C11orf65: variants seen among roughly 807,000 people sequenced by gnomAD.
C11orf65 encodes the protein chromosome 11 open reading frame 65, also known as protein MFI.
Under a neutral mutation model 35.3 loss-of-function variants are expected in C11orf65, and 38 were observed. That is an observed-to-expected ratio of 1.08 (90% CI 0.83 to 1.41). The LOEUF is 1.41. C11orf65 is among the 40% of genes most tolerant of loss of function. The pLI is 0.00. For synonymous variants in C11orf65, 105 were observed against 114.4 expected, an observed-to-expected ratio of 0.92 and a Z score of 0.53; for missense variants, 370 against 367.1, an observed-to-expected ratio of 1.01 and a Z score of -0.06.
rs374870054 is a variant in C11orf65, at chr11:108,375,910, G to A, written c.226+17298C>T. On this transcript the variant is annotated intron_variant, in intron 2 of 3. Transcript: ENST00000524755. ...AAGAAGGCCATTACATAATGGTAAA[G>A]GGATCAATTCAACAAGAAGAGCTAA... 2.5e-3 allele frequency among the ~76,000 whole-genome samples: 377 copies of A among 152,278 alleles called. 9 individuals are homozygous for A. In the East Asian group the frequency reaches 0.07, roughly 28 times the overall value.
intron 3 of C11orf65, chr11:108,334,900 T>C: frequency 1.3e-6 from 2 of 1,518,912 alleles, no homozygotes; most frequent in Non-Finnish European, 1.8e-6. Flanking sequence ...TTGCCATTTA[T>C]AATGTATTTT....
intron 1 of C11orf65, among the ~76,000 whole-genome samples, chr11:108,464,269 T>C (rs927455921): frequency 6.6e-6 from 1 of 152,130 alleles, no homozygotes; most frequent in African/African-American, 2.4e-5. Flanking sequence ...GGAATTGCTA[T>C]GACAAAAGGT....
In C11orf65 at chr11:108,320,078, T is replaced by TTA. The variant is rs756886791; in HGVS notation, c.641-11009_641-11008dup. 10 of 1,506,110 alleles carry TTA rather than the reference T, an allele frequency of 6.6e-6. No individual in the cohort carries two copies. Among genetic ancestry groups the TTA allele is most frequent in the African/African-American group, 2.8e-5 (2 of 72,474 alleles). The allele number at this position is 1,506,110 out of a possible 1,614,324, so 93.3% of individuals were successfully genotyped here. On this transcript the variant is annotated intron_variant, in intron 6 of 6. Coordinates refer to the C11orf65 transcript ENST00000525729. ...TGCCAGGTATTATGAAAAGACAAAG[T>TTA]TACTGTATTTTAACATTTAATGTCA...
intron 3 of C11orf65, among the ~76,000 whole-genome samples, chr11:108,426,306 G>T (rs1292527115): frequency 6.6e-6 from 1 of 152,066 alleles, no homozygotes; most frequent in Non-Finnish European, 1.5e-5. Context: ...AAAGTCTCAG[G>T]ACACACAATC....
intron 2 of C11orf65, among the ~76,000 whole-genome samples, chr11:108,372,994 C>T (rs757291714): frequency 6.6e-6 from 1 of 151,964 alleles, no homozygotes; most frequent in Non-Finnish European, 1.5e-5. Context: ...GCACAAGAAT[C>T]ACTTGAACCC....
intron 3 of C11orf65, among the ~76,000 whole-genome samples, chr11:108,425,794 C>T (rs1456019336): frequency 6.6e-6 from 1 of 152,160 alleles, no homozygotes; most frequent in Non-Finnish European, 1.5e-5. Context: ...AAAAGCGTAT[C>T]CACCACGATC....
intron 2 of C11orf65, among the ~76,000 whole-genome samples, chr11:108,442,141 G>A (rs1218595651): frequency 6.6e-6 from 1 of 152,128 alleles, no homozygotes; most frequent in Non-Finnish European, 1.5e-5. Flanking sequence ...ATCACTTGAT[G>A]GAGCTGAAAA....
In C11orf65 at chr11:108,406,757, T is replaced by C. The variant is rs893954396; in HGVS notation, c.429+6A>G. ...AGGTTAAAAATTAACATTTCTCTTT[T>C]CTTACTGTATCAGAAACTGGCCTCC... is the stretch of plus-strand genomic sequence containing the variant. On this transcript the variant is annotated splice_donor_region_variant and intron_variant, in intron 5 of 8. Coordinates refer to ENST00000393084, the MANE Select transcript of C11orf65 (RefSeq NM_152587.5). 5.1e-6 allele frequency: 8 copies of C among 1,560,782 alleles called. No homozygotes were observed. In the African/African-American group the frequency reaches 9.4e-5, roughly 18 times the overall value.
chr11:108,321,500 A>T (rs2085217081), intron 6 of C11orf65: 2 of 1,596,534 alleles, frequency 1.3e-6, no homozygotes, highest in Middle Eastern at 3.4e-4. Flanking sequence ...TAAAAACTAT[A>T]GGCCGGGCAC....
At chr11:108,310,400 C>A (rs2136024270) in intron 6 of C11orf65, 2 of 1,252,850 alleles carry the variant, frequency 1.6e-6, no homozygotes, top group East Asian at 2.4e-5. Context: ...TATTTTGCCT[C>A]CTGTTCCCCA....
rs375077059 is a variant in C11orf65, at chr11:108,391,341, TATA to T, written c.731+1864_731+1866del. Reference sequence around the variant, plus strand: ...AAGTATAGTATCCAGTGGCTTTTAGTATAATATTAGCAGAGTTGTGGCTCCACC... The same window carrying T: ...AAGTATAGTATCCAGTGGCTTTTAGTATATTAGCAGAGTTGTGGCTCCACC... On this transcript the variant is annotated intron_variant, in intron 7 of 8. Transcript: ENST00000393084. Among the ~76,000 whole-genome samples the T allele has an allele frequency of 3.7e-4, 56 of 152,310 alleles. No individual in the cohort carries two copies. In the East Asian group the frequency reaches 0.011, roughly 29 times the overall value.
At chr11:108,316,795 G>A (rs865850404) in intron 6 of C11orf65, among the ~76,000 whole-genome samples, 9 of 150,464 alleles carry the variant, frequency 6.0e-5, no homozygotes, top group African/African-American at 2.2e-4. Context: ...GTGTGGTGGC[G>A]GGTGCCTGTA....
At position 108,315,869 on chromosome 11, in the gene C11orf65, T is replaced by C. The variant is rs755694394; in HGVS notation, c.641-6798A>G. 6.2e-7 allele frequency: 1 copy of C among 1,613,536 alleles called. No individual in the cohort carries two copies. The highest frequency in any genetic ancestry group is 8.5e-7 in the Non-Finnish European group (1 of 1,179,456). On this transcript the variant is annotated intron_variant, in intron 6 of 6. Transcript: ENST00000525729. ...AGAAGTATAGGGGAGCCAGATAGTT[T>C]GTATGGCTGTGGTGGAGGGAAGATG...
At chr11:108,378,090 C>A (rs1348924838), downstream of C11orf65, among the ~76,000 whole-genome samples, 1 of 152,056 alleles carries the variant, frequency 6.6e-6, no homozygotes, top group Non-Finnish European at 1.5e-5. Context: ...CCATCCTCAT[C>A]AAGCTACCAA....
chr11:108,323,356 T>C (rs2085368384), intron 6 of C11orf65, among the ~76,000 whole-genome samples: 2 of 152,194 alleles, frequency 1.3e-5, no homozygotes, highest in Admixed American at 1.3e-4. Flanking sequence ...CAGAATTCTT[T>C]AAGAAACAGT....
intron 6 of C11orf65, among the ~76,000 whole-genome samples, chr11:108,313,902 T>G (rs985971384): frequency 6.6e-6 from 1 of 152,014 alleles, no homozygotes; most frequent in Non-Finnish European, 1.5e-5. Context: ...GTTTTCATTT[T>G]TATTTAACTG....
intron 2 of C11orf65, among the ~76,000 whole-genome samples, chr11:108,337,306 A>G (rs2086956273): frequency 6.6e-6 from 1 of 152,228 alleles, no homozygotes; most frequent in South Asian, 2.1e-4. Flanking sequence ...CTGCAATAAT[A>G]ACTAACATAA....
At position 108,315,811 on chromosome 11, in the gene C11orf65, C is replaced by T. The variant is rs760827968; in HGVS notation, c.641-6740G>A. 1.9e-6 allele frequency: 3 copies of T among 1,603,270 alleles called. No homozygotes were observed. Among genetic ancestry groups the T allele is most frequent in the South Asian group, 1.1e-5 (1 of 90,758 alleles). ...TTTCCTTCTTCAATTTTTGTTGTTT[C>T]CATGTTTTCAGGATCTTCTCTTAGA... On this transcript the variant is annotated intron_variant, in intron 6 of 6. Transcript: ENST00000525729.
At chr11:108,377,379 A>C (rs866284035) in intron 2 of C11orf65, among the ~76,000 whole-genome samples, 3,954 of 152,130 alleles carry the variant, frequency 0.026, 181 homozygotes, top group African/African-American at 0.09. Context: ...AAGACAAAAA[A>C]CACATGATTA....
Sources: allele counts gnomAD v4.1 joint callset (sites outside exome capture counted in the v4.1 genomes callset), GRCh38; gene constraint gnomAD v4.1.1; transcripts MANE v1.5; gene names NCBI Gene and HGNC (gene_info 2026-07-23, HGNC 2026-07-21).